CTNNA2: variants seen among roughly 807,000 people sequenced by gnomAD.
CTNNA2 encodes catenin alpha 2.
CTNNA2 carries 42 observed loss-of-function variants against 101.0 expected under a neutral mutation model. The observed-to-expected ratio is 0.42, with a 90% confidence interval of 0.32 to 0.54. The LOEUF is 0.54. CTNNA2 is among the 20% of genes least tolerant of loss of function. CTNNA2 has a pLI of 0.14. For synonymous variants in CTNNA2, 450 were observed against 456.4 expected, an observed-to-expected ratio of 0.99 and a Z score of 0.18; for missense variants, 871 against 1,223.1, an observed-to-expected ratio of 0.71 and a Z score of 4.29.
chr2:79,321,993 A>G (rs10180567), intron 3 of CTNNA2, among the ~76,000 whole-genome samples: 5,122 of 152,316 alleles, frequency 0.034, 130 homozygotes, highest in Middle Eastern at 0.065. Flanking sequence ...TTTGAAGTCC[A>G]TGCCTTTAGT....
chr2:80,342,215 T>G (rs986586629), intron 7 of CTNNA2, among the ~76,000 whole-genome samples: 4 of 152,220 alleles, frequency 2.6e-5, no homozygotes, highest in African/African-American at 7.2e-5. Flanking sequence ...AACTCTGAAC[T>G]CATTAAATTG....
intron 9 of CTNNA2, among the ~76,000 whole-genome samples, chr2:80,460,297 C>T (rs1373299250): frequency 1.3e-5 from 2 of 152,044 alleles, no homozygotes; most frequent in Non-Finnish European, 2.9e-5. Context: ...AGCTAGCAGA[C>T]ATTTGCATGG....
At chr2:79,834,329 A>G (rs1368107149) in intron 3 of CTNNA2, among the ~76,000 whole-genome samples, 2 of 151,922 alleles carry the variant, frequency 1.3e-5, no homozygotes, top group Non-Finnish European at 2.9e-5. Flanking sequence ...TGGATATTGT[A>G]TTGTATTATC....
intron 7 of CTNNA2, among the ~76,000 whole-genome samples, chr2:80,132,030 G>A (rs1267360831): frequency 6.6e-6 from 1 of 152,214 alleles, no homozygotes; most frequent in East Asian, 1.9e-4. Flanking sequence ...GCAGTGAGCC[G>A]AGATCTTGCC....
At chr2:79,200,335 G>A (rs911832114) in intron 2 of CTNNA2, among the ~76,000 whole-genome samples, 13 of 150,728 alleles carry the variant, frequency 8.6e-5, no homozygotes, top group Non-Finnish European at 1.3e-4. Flanking sequence ...AGTGAGCCGA[G>A]ATTGCGCCAC....
Position 79,483,319 on chromosome 2 carries a change from C to T in CTNNA2, c.-134-21735C>T, listed in dbSNP as rs562374760. Among the ~76,000 whole-genome samples, 21 of 152,298 alleles carry T rather than the reference C, an allele frequency of 1.4e-4. No individual in the cohort carries two copies. In the South Asian group the frequency reaches 4.1e-3, roughly 30 times the overall value. On this transcript the variant is annotated intron_variant, in intron 4 of 21. Transcript: ENST00000466387. ...TAGTTATTACCGCATAACAAATTACCTCAGAATTTAGTGTCTTAAAACTAT... is the reference window on the plus strand; with the variant it reads ...TAGTTATTACCGCATAACAAATTACTTCAGAATTTAGTGTCTTAAAACTAT...
chr2:79,341,448 A>T (rs1244207512), intron 3 of CTNNA2, among the ~76,000 whole-genome samples: 1 of 152,160 alleles, frequency 6.6e-6, no homozygotes, highest in Non-Finnish European at 1.5e-5. Flanking sequence ...CTGATTAAGA[A>T]CATTAGTTAT....
intron 2 of CTNNA2, among the ~76,000 whole-genome samples, chr2:79,285,660 A>T (rs376341710): frequency 2.2e-5 from 2 of 90,226 alleles, no homozygotes; most frequent in South Asian, 4.7e-4. Context: ...TGCTGAGGAG[A>T]GCTTTACTTC....
chr2:80,214,234 T>A (rs1177899694), intron 7 of CTNNA2, among the ~76,000 whole-genome samples: 1 of 152,166 alleles, frequency 6.6e-6, no homozygotes, highest in African/African-American at 2.4e-5. Context: ...TATTGTTATG[T>A]GTGAATGTGA....
At chr2:79,636,109 A>C (rs1413043282) in intron 1 of CTNNA2, among the ~76,000 whole-genome samples, 4 of 148,502 alleles carry the variant, frequency 2.7e-5, no homozygotes, top group Non-Finnish European at 6.0e-5. Flanking sequence ...AAAATACAAA[A>C]AAAAAAAAAA....
intron 9 of CTNNA2, among the ~76,000 whole-genome samples, chr2:80,542,663 C>G (rs1477481999): frequency 1.3e-5 from 2 of 151,950 alleles, no homozygotes; most frequent in Non-Finnish European, 2.9e-5. Flanking sequence ...TAAACTCTAG[C>G]AATTATTCAC....
intron 1 of CTNNA2, among the ~76,000 whole-genome samples, chr2:79,585,869 G>A (rs1048730936): frequency 6.6e-6 from 1 of 152,044 alleles, no homozygotes; most frequent in African/African-American, 2.4e-5. Flanking sequence ...TGCTGTTTCC[G>A]GGGTGTGAGC....
chr2:80,036,823 T>TTGTGTGTGTG (rs1213433697), intron 7 of CTNNA2, among the ~76,000 whole-genome samples: 6 of 134,724 alleles, frequency 4.5e-5, no homozygotes, highest in African/African-American at 1.7e-4. Context: ...GTGTGTGTGT[T>TTGTGTGTGTG]TGTGTGTGTG....
At chr2:79,636,617 AT>A (rs1405390794) in intron 1 of CTNNA2, among the ~76,000 whole-genome samples, 6 of 152,302 alleles carry the variant, frequency 3.9e-5, no homozygotes, top group Admixed American at 3.9e-4. Flanking sequence ...TGATTTACTT[AT>A]TGATTTTTAT....
intron 8 of CTNNA2, among the ~76,000 whole-genome samples, chr2:80,407,754 G>A (rs1679196569): frequency 6.6e-6 from 1 of 152,222 alleles, no homozygotes; most frequent in African/African-American, 2.4e-5. Context: ...AGTTGGGAAT[G>A]TGGAGTAATC....
At chr2:79,218,347 G>A (rs1311321199) in intron 2 of CTNNA2, among the ~76,000 whole-genome samples, 774 of 71,626 alleles carry the variant, frequency 0.011, 6 homozygotes, top group African/African-American at 0.031. Flanking sequence ...GTGTGTGTGT[G>A]TGTATTTTTT....
intron 2 of CTNNA2, among the ~76,000 whole-genome samples, chr2:79,227,004 C>T (rs1244143476): frequency 6.6e-6 from 1 of 151,228 alleles, no homozygotes; most frequent in East Asian, 1.9e-4. Flanking sequence ...AAAAAAAAAT[C>T]AAGCCTCCAG....
At chr2:79,427,293 T>C (rs961927638) in intron 4 of CTNNA2, among the ~76,000 whole-genome samples, 1 of 152,040 alleles carries the variant, frequency 6.6e-6, no homozygotes, top group Non-Finnish European at 1.5e-5. Context: ...GTTCTGGTAG[T>C]ATCATCCTAT....
At chr2:79,604,955 A>G (rs1677788173) in intron 1 of CTNNA2, among the ~76,000 whole-genome samples, 1 of 152,224 alleles carries the variant, frequency 6.6e-6, no homozygotes. Flanking sequence ...AACACAGCAG[A>G]ATACACAGTG....
Sources: allele counts gnomAD v4.1 joint callset (sites outside exome capture counted in the v4.1 genomes callset), GRCh38; gene constraint gnomAD v4.1.1; transcripts MANE v1.5; gene names NCBI Gene and HGNC (gene_info 2026-07-23, HGNC 2026-07-21).